Variants in CLSTN2 observed in about 807,000 individuals in gnomAD.
The protein encoded by CLSTN2 is calsyntenin 2.
CLSTN2 carries 48 observed loss-of-function variants against 101.2 expected under a neutral mutation model. That is an observed-to-expected ratio of 0.47 (90% CI 0.38 to 0.60). CLSTN2 has a LOEUF of 0.60. Among genes scored for constraint, CLSTN2 ranks in the 20% least tolerant of loss-of-function variants. The pLI, the probability that CLSTN2 is intolerant of heterozygous loss-of-function variation, is 0.00. For missense variants in CLSTN2, 1,160 were observed against 1,238.2 expected (o/e 0.94, Z 0.95); for synonymous variants, 481 against 463.6 (o/e 1.04, Z -0.48).
chr3:140,351,325 T>C (rs1032418078), intron 2 of CLSTN2, among the ~76,000 whole-genome samples: 2 of 152,150 alleles, frequency 1.3e-5, no homozygotes, highest in African/African-American at 4.8e-5. Flanking sequence ...AAAGGAAAGC[T>C]GAGAAGAGAT....
intron 2 of CLSTN2, among the ~76,000 whole-genome samples, chr3:140,189,617 G>A (rs1478594179): frequency 6.6e-6 from 1 of 152,072 alleles, no homozygotes; most frequent in Non-Finnish European, 1.5e-5. Flanking sequence ...TTACGGTTGA[G>A]TTTTGAGAAT....
At chr3:140,379,811 A>T (rs1017420009) in intron 2 of CLSTN2, among the ~76,000 whole-genome samples, 2 of 152,170 alleles carry the variant, frequency 1.3e-5, no homozygotes, top group African/African-American at 4.8e-5. Flanking sequence ...TATGAAATGA[A>T]GATGCAGGGT....
At chr3:140,251,584 GTTCCTTTCCTTTCCTTTCCT>G (rs60379986) in intron 2 of CLSTN2, among the ~76,000 whole-genome samples, 8 of 117,542 alleles carry the variant, frequency 6.8e-5, no homozygotes, top group East Asian at 4.6e-4. Context: ...CTTAGCTTCC[GTTCCTTTCCTTTCCTTTCCT>G]TTCCTTTCCT....
intron 8 of CLSTN2, chr3:140,508,810 A>T (rs1934736400): frequency 6.6e-6 from 1 of 152,206 alleles, no homozygotes; most frequent in East Asian, 1.9e-4. Flanking sequence ...TTCATGAGGA[A>T]AATATCCCTA....
At chr3:140,196,131 T>C (rs1377862244) in intron 2 of CLSTN2, among the ~76,000 whole-genome samples, 4 of 152,192 alleles carry the variant, frequency 2.6e-5, no homozygotes, top group Non-Finnish European at 4.4e-5. Flanking sequence ...GAAGAATGCC[T>C]GGGAACAGCC....
intron 2 of CLSTN2, among the ~76,000 whole-genome samples, chr3:140,211,250 T>G (rs1314010372): frequency 6.6e-6 from 1 of 151,690 alleles, no homozygotes; most frequent in Non-Finnish European, 1.5e-5. Context: ...GATCTTCAGA[T>G]TGTATAATTT....
intron 8 of CLSTN2, among the ~76,000 whole-genome samples, chr3:140,521,048 A>ATTTTTTT (rs57840726): frequency 3.2e-5 from 4 of 125,474 alleles, no homozygotes; most frequent in Non-Finnish European, 3.4e-5. Context: ...GCTTTTTTGC[A>ATTTTTTT]TTTTTTTTTT....
At chr3:140,075,263 G>A (rs1285350561) in intron 1 of CLSTN2, among the ~76,000 whole-genome samples, 2 of 151,734 alleles carry the variant, frequency 1.3e-5, no homozygotes, top group Non-Finnish European at 1.5e-5. Flanking sequence ...TCTAGTTTAG[G>A]TGGATGTTTC....
In CLSTN2 at chr3:140,478,335, A is replaced by G. The variant is rs988473042; in HGVS notation, c.1344+11604A>G. Among the ~76,000 whole-genome samples the G allele has an allele frequency of 3.4e-4, 14 of 41,382 alleles. No homozygotes were observed. The African/African-American group carries it at 3.5e-3, about 10-fold the overall frequency. The allele number at this position is 41,382 out of a possible 152,430, so 27.1% of individuals were successfully genotyped here. A position where few individuals can be genotyped will look rare whatever the true frequency, so the allele number is the denominator to read the frequency against. The stretch of plus-strand genomic sequence containing the variant: ...CCATCTGAGGATGAAAACATCCAGA[A>G]AAAAAAAAAAAAAAAAGCTGTCCTT... On this transcript the variant is annotated intron_variant, in intron 8 of 16. Transcript: ENST00000458420.
Position 140,432,074 on chromosome 3 carries a change from C to A in CLSTN2, c.787+10800C>A, listed in dbSNP as rs187780081. On this transcript the variant is annotated intron_variant, in intron 5 of 16. Coordinates refer to ENST00000458420, the MANE Select transcript of CLSTN2 (RefSeq NM_022131.3). ...GAGTAAGGCTGTGTGGCTTAAGCAT[C>A]ATGTCCTGGATTTTTGTACTTAAGA... Among the ~76,000 whole-genome samples the A allele has an allele frequency of 8.5e-5, 13 of 152,302 alleles. 1 individual carries two copies. The highest frequency in any genetic ancestry group is 3.4e-3 in the Middle Eastern group (1 of 294).
At chr3:140,525,035 A>T (rs1428495942) in intron 8 of CLSTN2, among the ~76,000 whole-genome samples, 1 of 152,226 alleles carries the variant, frequency 6.6e-6, no homozygotes, top group Non-Finnish European at 1.5e-5. Context: ...CACCTAGAGG[A>T]AGAAGGGGAG....
intron 1 of CLSTN2, among the ~76,000 whole-genome samples, chr3:140,022,701 G>C (rs183606310): frequency 5.3e-5 from 8 of 152,280 alleles, no homozygotes; most frequent in East Asian, 1.9e-4. Context: ...AGGTGGGGGT[G>C]GTGGGCAAGT....
At chr3:139,939,073 G>T (rs1935079364) in intron 1 of CLSTN2, among the ~76,000 whole-genome samples, 1 of 152,122 alleles carries the variant, frequency 6.6e-6, no homozygotes, top group South Asian at 2.1e-4. Flanking sequence ...CCAAAGTATA[G>T]TATTGACTGT....
chr3:140,062,083 A>G (rs2008216012), intron 1 of CLSTN2, among the ~76,000 whole-genome samples: 1 of 152,218 alleles, frequency 6.6e-6, no homozygotes, highest in African/African-American at 2.4e-5. Context: ...AAGTAATTTC[A>G]GGTGAGAACT....
intron 2 of CLSTN2, among the ~76,000 whole-genome samples, chr3:140,259,612 C>A (rs1475121616): frequency 6.6e-6 from 1 of 152,126 alleles, no homozygotes; most frequent in African/African-American, 2.4e-5. Context: ...TTTTCCCTTG[C>A]CTCTTTGTAA....
chr3:140,037,955 A>G (rs2007688487), intron 1 of CLSTN2, among the ~76,000 whole-genome samples: 1 of 152,170 alleles, frequency 6.6e-6, no homozygotes, highest in African/African-American at 2.4e-5. Context: ...ATTGATGGGC[A>G]TTTGGGTTGA....
chr3:140,043,606 A>T lies in CLSTN2; in HGVS notation c.109+108123A>T, dbSNP rs536724111. ...AGACATTAAGATCTTGCCCATGCCT[A>T]TGTCCTGAATGGTATTGCCTAGGTT... On this transcript the variant is annotated intron_variant, in intron 1 of 16. Transcript: ENST00000458420. 9.2e-5 allele frequency among the ~76,000 whole-genome samples: 14 copies of T among 152,332 alleles called. No homozygotes were observed. The East Asian group carries it at 2.3e-3, about 25-fold the overall frequency.
chr3:140,545,076 A>G (rs1935561258), intron 9 of CLSTN2, among the ~76,000 whole-genome samples: 1 of 152,134 alleles, frequency 6.6e-6, no homozygotes, highest in Admixed American at 6.5e-5. Flanking sequence ...TCTAAAGAGA[A>G]CTCTAAAGAA....
intron 2 of CLSTN2, among the ~76,000 whole-genome samples, chr3:140,257,087 A>T (rs985954000): frequency 6.6e-6 from 1 of 152,220 alleles, no homozygotes; most frequent in Admixed American, 6.5e-5. Flanking sequence ...AAATTTGTTC[A>T]TGAAACTGAA....
Sources: gnomAD v4.1 joint callset for allele counts (sites outside exome capture counted in the v4.1 genomes callset) on GRCh38, gnomAD v4.1.1 for gene constraint, MANE v1.5 for transcripts, NCBI Gene and HGNC (gene_info 2026-07-23, HGNC 2026-07-21) for gene names.